KLK13: variants seen among roughly 807,000 people sequenced by gnomAD.
KLK13 encodes the protein kallikrein-13.
In KLK13, 19 loss-of-function variants were observed where a neutral mutation model predicts 22.4. The observed-to-expected ratio is 0.85, with a 90% CI of 0.59 to 1.24. The LOEUF is 1.24. KLK13 is among the 50% of genes most tolerant of loss of function. KLK13 has a pLI of 0.00. For missense variants in KLK13, 311 were observed against 347.9 expected (o/e 0.89, Z 0.84); for synonymous variants, 156 against 141.8 (o/e 1.10, Z -0.71).
At chr19:51,064,933 C>A (rs895316372) in intron 1 of KLK13, 83 bp downstream of exon 1, 1 of 1,192,476 alleles carries the variant, frequency 8.4e-7, no homozygotes, top group Non-Finnish European at 1.2e-6. Flanking sequence ...GCTCGCGGCT[C>A]CCACGCCCCC....
intron 1 of KLK13, chr19:51,064,487 C>CAAAAA (rs35554667): frequency 1.5e-4 from 24 of 158,530 alleles, no homozygotes; most frequent in South Asian, 2.4e-4. Context: ...GGTTCCATCT[C>CAAAAA]AAAAAAAAAA....
chr19:51,056,858 G>T, intron 4 of KLK13, 83 bp from the exon 5 acceptor site: 1 of 1,021,360 alleles, frequency 9.8e-7, no homozygotes, highest in Non-Finnish European at 1.5e-6. Context: ...TGGGGAGAGA[G>T]TGAAAGATGG....
intron 1 of KLK13, 103 bp downstream of exon 1, chr19:51,064,912 CG>C (rs1599791049): frequency 1.1e-6 from 1 of 919,274 alleles, no homozygotes; most frequent in Non-Finnish European, 1.6e-6. Context: ...CCCGAGTGGG[CG>C]GGGGGCGGAG....
rs536694329 is a variant in KLK13 at position 51,062,423 on chromosome 19, AT to A, written c.53-1805del. Among the ~76,000 whole-genome samples the A allele has an allele frequency of 7.6e-4, 115 of 152,096 alleles. 1 individual carries two copies. The South Asian group carries it at 0.021, about 28-fold the overall frequency. ...ATGATTGCTATTCATTTCTCTTCAC[AT>A]TTGTATGTATTCGTTTTTAAAAATC... On this transcript the variant is annotated intron_variant, in intron 1 of 4. Coordinates refer to ENST00000595793, the MANE Select transcript of KLK13 (RefSeq NM_015596.3).
At chr19:51,064,813 T>G in intron 1 of KLK13, 2 of 609,280 alleles carry the variant, frequency 3.3e-6, no homozygotes, top group Non-Finnish European at 2.9e-6. Context: ...AGGTGAAGGG[T>G]CTGGGGTCGG....
At chr19:51,064,823 G>T (rs543727690) in intron 1 of KLK13, 193 bp downstream of exon 1, 27 of 612,962 alleles carry the variant, frequency 4.4e-5, no homozygotes, top group Middle Eastern at 3.2e-4. Flanking sequence ...TCTGGGGTCG[G>T]AGGGCCAACC....
chr19:51,056,320 A>G lies in KLK13; in HGVS notation c.*267T>C. On this transcript the variant is annotated 3_prime_UTR_variant, in exon 5 of 5. Coordinates refer to ENST00000595793, the MANE Select transcript of KLK13 (RefSeq NM_015596.3). ...GGTGATCTGGGCTCATAGAAGCCAC[A>G]CTGATGAAGTTGAGAGACCTGGGCC... 4.5e-6 allele frequency: 2 copies of G among 441,680 alleles called. No individual in the cohort carries two copies. The highest frequency in any genetic ancestry group is 3.1e-5 in the South Asian group (1 of 32,568). 27.4% of individuals were successfully genotyped at this position (441,680 alleles called of 1,614,324 possible).
intron 1 of KLK13, among the ~76,000 whole-genome samples, chr19:51,064,269 C>G (rs2091756500): frequency 3.3e-5 from 5 of 152,016 alleles, no homozygotes; most frequent in Admixed American, 3.3e-4. Flanking sequence ...ACGCGGGCTA[C>G]TTGAAGTTAG....
chr19:51,059,884 CG>C lies in KLK13; in HGVS notation c.448del (p.Arg150AlafsTer2), dbSNP rs2091709844. On this transcript the variant is annotated frameshift_variant, in exon 3 of 5. Transcript: ENST00000595793. LOFTEE classifies it high-confidence loss of function. ...CCGACAGGTGGTGCCAGGGGTTAGGCGGTTGTTGTGGGAAAGGGGCAGGGTT... is the reference window on the plus strand; with the variant it reads ...CCGACAGGTGGTGCCAGGGGTTAGGCGTTGTTGTGGGAAAGGGGCAGGGTT... ...IQTLPLSHNNRLTPGTTCRVS... is the reference protein window; with the variant it reads ...IQTLPLSHNNXLTPGTTCRVS... The C allele has an allele frequency of 6.2e-7, 1 of 1,603,356 alleles. No individual in the cohort carries two copies. The highest frequency in any genetic ancestry group is 8.5e-7 in the Non-Finnish European group (1 of 1,174,554).
At chr19:51,064,612 C>A (rs970507115) in intron 1 of KLK13, 2 of 525,112 alleles carry the variant, frequency 3.8e-6, no homozygotes, top group African/African-American at 3.8e-5. Context: ...TTTCAATATT[C>A]ACAGTGACCT....
At chr19:51,061,283 C>T (rs1228853870) in intron 1 of KLK13, among the ~76,000 whole-genome samples, 1 of 152,140 alleles carries the variant, frequency 6.6e-6, no homozygotes. Flanking sequence ...TGCATCCATC[C>T]AATCATCTTT....
chr19:51,065,225 G>A (rs1005703358), upstream of KLK13: 4 of 526,836 alleles, frequency 7.6e-6, no homozygotes, highest in East Asian at 6.9e-5. Flanking sequence ...CCTGGAATCT[G>A]CCCCCCGCCT....
At position 51,058,421 on chromosome 19, in the gene KLK13, G is replaced by T. The variant is rs562362245; in HGVS notation, c.645+117C>A. ...TTGACCTCCTATGTGAGGGGACATT[G>T]TATCTTATAAAGATTGGTTCCCCTA... On this transcript the variant is annotated intron_variant, in intron 4 of 4. Coordinates refer to ENST00000595793, the MANE Select transcript of KLK13 (RefSeq NM_015596.3). 52 of 1,212,634 alleles carry T rather than the reference G, an allele frequency of 4.3e-5. No homozygotes were observed. The African/African-American group carries it at 6.6e-4, about 15-fold the overall frequency. The allele number at this position is 1,212,634 out of a possible 1,614,324, so 75.1% of individuals were successfully genotyped here. A position where few individuals can be genotyped will look rare whatever the true frequency, so the allele number is the denominator to read the frequency against.
Position 51,056,779 on chromosome 19 carries a change from A to G in KLK13, c.646-4T>C. 6.2e-7 allele frequency: 1 copy of G among 1,611,308 alleles called. No homozygotes were observed. Among genetic ancestry groups the G allele is most frequent in the Non-Finnish European group, 8.5e-7 (1 of 1,178,098 alleles). ...CCAGGGGGCCCCCAGAGTCACCCTGAGTTGGGGAAAGAAAGAGAGAGAGAG... is the reference window on the plus strand; with the variant it reads ...CCAGGGGGCCCCCAGAGTCACCCTGGGTTGGGGAAAGAAAGAGAGAGAGAG... On this transcript the variant is annotated splice_polypyrimidine_tract_variant and splice_region_variant and intron_variant, in intron 4 of 4. Transcript: ENST00000595793.
chr19:51,064,540 A>G (rs1599790406), intron 1 of KLK13: 1 of 459,636 alleles, frequency 2.2e-6, no homozygotes, highest in East Asian at 6.3e-5. Context: ...AATAACGGCT[A>G]AGTGGCTAAC....
chr19:51,064,941 C>A, intron 1 of KLK13, 75 bp downstream of exon 1: 1 of 1,287,592 alleles, frequency 7.8e-7, no homozygotes. Context: ...CTCCCACGCC[C>A]CCTCCCCCTC....
At position 51,060,583 on chromosome 19, in the gene KLK13, T is replaced by C. The variant is rs778782075; in HGVS notation, c.89A>G (p.Asn30Ser). 9.9e-6 allele frequency: 16 copies of C among 1,612,266 alleles called. No homozygotes were observed. Among genetic ancestry groups the C allele is most frequent in the South Asian group, 8.8e-5 (8 of 90,864 alleles). The change falls in exon 2 of 5, where the codon AAT (asparagine) becomes AGT (serine). Residue 30 changes from asparagine to serine, a missense_variant. By Grantham distance (46) the Asn-to-Ser change is conservative. Transcript: ENST00000595793. ...SQESSKVLNT[N>S]GTSGFLPGGY... ...ACCTGGGAGAAACCCACTGGTCCCATTGGTGTTGAGAACCTTGGAAGACTC... is the reference window on the plus strand; with the variant it reads ...ACCTGGGAGAAACCCACTGGTCCCACTGGTGTTGAGAACCTTGGAAGACTC...
At chr19:51,063,237 G>A (rs1308115969) in intron 1 of KLK13, among the ~76,000 whole-genome samples, 6 of 152,018 alleles carry the variant, frequency 3.9e-5, no homozygotes, top group Admixed American at 2.6e-4. Flanking sequence ...AATTTCAGGT[G>A]GTCCAACCCA....
rs950816820 is a variant in KLK13, at chr19:51,055,671, A to G, written c.*916T>C. On this transcript the variant is annotated 3_prime_UTR_variant, in exon 5 of 5. Coordinates refer to ENST00000595793, the MANE Select transcript of KLK13 (RefSeq NM_015596.3). Reference sequence around the variant, plus strand: ...TTATTCTTGTAATAATGTTACAATTAAAAAAAATTATGAACCCATTTTACA... The same window carrying G: ...TTATTCTTGTAATAATGTTACAATTGAAAAAAATTATGAACCCATTTTACA... Among the ~76,000 whole-genome samples, 1 of 150,452 alleles carries G rather than the reference A, an allele frequency of 6.6e-6. No individual in the cohort carries two copies. Among genetic ancestry groups the G allele is most frequent in the Non-Finnish European group, 1.5e-5 (1 of 66,772 alleles).
Sources: allele counts gnomAD v4.1 joint callset (sites outside exome capture counted in the v4.1 genomes callset), GRCh38; gene constraint gnomAD v4.1.1; transcripts MANE v1.5; gene names NCBI Gene and HGNC (gene_info 2026-07-23, HGNC 2026-07-21).